The following UBE3A variants were observed in gnomAD, a reference collection of about 807,000 sequenced individuals.
UBE3A encodes ubiquitin-protein ligase E3A.
Under a neutral mutation model 83.4 loss-of-function variants are expected in UBE3A, and 6 were observed. The ratio of observed to expected loss-of-function variants is 0.07; its 90% CI spans 0.04 to 0.14. The LOEUF is 0.14. UBE3A is among the 10% of genes least tolerant of loss of function. The pLI, the probability that UBE3A is intolerant of heterozygous loss-of-function variation, is 1.00. For synonymous variants in UBE3A, 337 were observed against 355.4 expected, an observed-to-expected ratio of 0.95 and a Z score of 0.58; for missense variants, 456 against 1,036.1, an observed-to-expected ratio of 0.44 and a Z score of 7.69.
intron 4 of UBE3A, among the ~76,000 whole-genome samples, chr15:25,376,851 G>A (rs1162746957): frequency 2.3e-5 from 3 of 128,836 alleles, no homozygotes; most frequent in African/African-American, 9.3e-5. Context: ...GCTGTTTCAG[G>A]AGAGCTACCA....
chr15:25,404,163 A>G (rs2087866537), intron 4 of UBE3A, among the ~76,000 whole-genome samples: 1 of 152,206 alleles, frequency 6.6e-6, no homozygotes, highest in Admixed American at 6.5e-5. Flanking sequence ...AAATTTGAGA[A>G]ATACATTTTA....
At chr15:25,373,606 AG>A (rs1273684559) in intron 5 of UBE3A, 5 of 152,078 alleles carry the variant, frequency 3.3e-5, no homozygotes, top group African/African-American at 7.2e-5. Flanking sequence ...CCTCCCAAGT[AG>A]CTGGGACTAC....
chr15:25,436,728 A>T (rs1379984399), intron 1 of UBE3A, among the ~76,000 whole-genome samples: 1 of 152,172 alleles, frequency 6.6e-6, no homozygotes, highest in African/African-American at 2.4e-5. Flanking sequence ...ACTAGTATGT[A>T]CCTTTCTTAG....
At chr15:25,377,021 C>T (rs1243336262) in intron 4 of UBE3A, among the ~76,000 whole-genome samples, 3 of 152,042 alleles carry the variant, frequency 2.0e-5, no homozygotes, top group Non-Finnish European at 4.4e-5. Context: ...CCTTTTGGTC[C>T]CAAATTCACA....
rs1465015042 is a variant in UBE3A, at chr15:25,338,163, G to A, written c.*974C>T. On this transcript the variant is annotated 3_prime_UTR_variant, in exon 13 of 13. Coordinates refer to ENST00000648336, the MANE Select transcript of UBE3A (RefSeq NM_130839.5). Reference sequence around the variant, plus strand: ...TTTGGATTGTCTATTTAAAATCTAGGTAATAAGTAAGTAATTAATAAAAAC... The same window carrying A: ...TTTGGATTGTCTATTTAAAATCTAGATAATAAGTAAGTAATTAATAAAAAC... 1 of 152,022 alleles carries A rather than the reference G, an allele frequency of 6.6e-6. No homozygotes were observed. The highest frequency in any genetic ancestry group is 2.4e-5 in the African/African-American group (1 of 41,392). 9.4% of individuals were successfully genotyped at this position (152,022 alleles called of 1,614,324 possible).
Position 25,334,342 on chromosome 15 carries a change from G to GA in UBE3A, c.*4794dup, listed in dbSNP as rs1003030368. On this transcript the variant is annotated 3_prime_UTR_variant, in exon 13 of 13. Transcript: ENST00000648336. ...TAAAGTGGCATCAGTAAAATACTTA[G>GA]AAAAAAATTAAAGACGTCAAGACTT... 21 of 151,862 alleles carry GA rather than the reference G, an allele frequency of 1.4e-4. No homozygotes were observed. The highest frequency in any genetic ancestry group is 4.8e-4 in the African/African-American group (20 of 41,354). 9.4% of individuals were successfully genotyped at this position (151,862 alleles called of 1,614,324 possible).
rs1416243844 is a variant in UBE3A at position 25,337,053 on chromosome 15, A to G, written c.*2084T>C. 6.6e-6 allele frequency: 1 copy of G among 152,078 alleles called. No individual in the cohort carries two copies. Among genetic ancestry groups the G allele is most frequent in the Non-Finnish European group, 1.5e-5 (1 of 67,992 alleles). The allele number at this position is 152,078 out of a possible 1,614,324, so 9.4% of individuals were successfully genotyped here. ...CTAGAGCAGCTATTCTGTGCAACCG[A>G]CGATTTTTTTTCTCTAAAATTTTAA... On this transcript the variant is annotated 3_prime_UTR_variant, in exon 13 of 13. Coordinates refer to ENST00000648336, the MANE Select transcript of UBE3A (RefSeq NM_130839.5).
intron 1 of UBE3A, among the ~76,000 whole-genome samples, chr15:25,437,562 T>C (rs1301680408): frequency 6.6e-6 from 1 of 152,218 alleles, no homozygotes; most frequent in Non-Finnish European, 1.5e-5. Context: ...AACTGTGCAC[T>C]GTAAACCCCA....
intron 1 of UBE3A, among the ~76,000 whole-genome samples, chr15:25,426,121 T>C (rs945915696): frequency 3.3e-5 from 5 of 152,158 alleles, no homozygotes; most frequent in African/African-American, 1.2e-4. Flanking sequence ...AATGTTATCA[T>C]TCCTCATTAA....
At chr15:25,344,710 C>A (rs1798141528) in intron 11 of UBE3A, among the ~76,000 whole-genome samples, 1 of 152,162 alleles carries the variant, frequency 6.6e-6, no homozygotes. Context: ...AACCTTAAAT[C>A]TATTTTATCA....
chr15:25,382,603 CTAAAA>C (rs374742767), intron 4 of UBE3A, among the ~76,000 whole-genome samples: 282 of 150,982 alleles, frequency 1.9e-3, no homozygotes, highest in African/African-American at 5.9e-3. Context: ...TAAATTACAG[CTAAAA>C]TAAAATAGAG....
At chr15:25,393,163 G>C (rs973140816) in intron 4 of UBE3A, among the ~76,000 whole-genome samples, 1 of 151,928 alleles carries the variant, frequency 6.6e-6, no homozygotes, top group Non-Finnish European at 1.5e-5. Flanking sequence ...TAATAGTCCG[G>C]ACAAATAATG....
chr15:25,393,495 G>T (rs2152972102), intron 4 of UBE3A, among the ~76,000 whole-genome samples: 1 of 152,126 alleles, frequency 6.6e-6, no homozygotes, highest in Non-Finnish European at 1.5e-5. Context: ...TCTCTTTTGG[G>T]TTTGATCCTC....
At chr15:25,339,673 C>T (rs918923245) in intron 12 of UBE3A, 12 of 297,774 alleles carry the variant, frequency 4.0e-5, no homozygotes, top group Non-Finnish European at 7.1e-5. Flanking sequence ...AAAGTGTGTG[C>T]TCTTAAATGC....
At chr15:25,436,927 G>A (rs1020157959) in intron 1 of UBE3A, among the ~76,000 whole-genome samples, 6 of 152,122 alleles carry the variant, frequency 3.9e-5, no homozygotes, top group African/African-American at 1.4e-4. Flanking sequence ...ACTAATGCAG[G>A]TTAATAAATA....
chr15:25,359,475 TAACAGA>T (rs2077725683), intron 7 of UBE3A, among the ~76,000 whole-genome samples: 1 of 139,570 alleles, frequency 7.2e-6, no homozygotes, highest in Non-Finnish European at 1.6e-5. Flanking sequence ...CTAAGAACAG[TAACAGA>T]AAGGTCAACT....
chr15:25,395,952 C>A (rs1331149502), intron 4 of UBE3A, among the ~76,000 whole-genome samples: 2 of 152,122 alleles, frequency 1.3e-5, no homozygotes, highest in Non-Finnish European at 2.9e-5. Context: ...AGCCTGTAAT[C>A]CCAGCGCTCT....
chr15:25,403,662 G>C (rs1408017929), intron 4 of UBE3A, among the ~76,000 whole-genome samples: 1 of 152,154 alleles, frequency 6.6e-6, no homozygotes, highest in Non-Finnish European at 1.5e-5. Flanking sequence ...CCTGTTCATA[G>C]CAACATTATC....
At position 25,334,806 on chromosome 15, in the gene UBE3A, CTT is replaced by C. The variant is rs918960405; in HGVS notation, c.*4329_*4330del. The C allele has an allele frequency of 2.0e-5, 3 of 152,124 alleles. No homozygotes were observed. Among genetic ancestry groups the C allele is most frequent in the African/African-American group, 7.2e-5 (3 of 41,414 alleles). 9.4% of individuals were successfully genotyped at this position (152,124 alleles called of 1,614,324 possible). A position where few individuals can be genotyped will look rare whatever the true frequency, so the allele number is the denominator to read the frequency against. ...GGACCATTCATGGGGAAATAATAGT[CTT>C]TTCAACAACTGGTGCTTGGGCAGAT... On this transcript the variant is annotated 3_prime_UTR_variant, in exon 13 of 13. Transcript: ENST00000648336.
Sources: gnomAD v4.1 joint callset for allele counts (sites outside exome capture counted in the v4.1 genomes callset) on GRCh38, gnomAD v4.1.1 for gene constraint, MANE v1.5 for transcripts, NCBI Gene and HGNC (gene_info 2026-07-23, HGNC 2026-07-21) for gene names.